Variants in EAF2 observed in about 807,000 individuals in gnomAD.
EAF2 encodes the protein ELL associated factor 2, also known as ELL-associated factor 2.
In EAF2, 29 loss-of-function variants were observed where a neutral mutation model predicts 29.4. That is an observed-to-expected ratio of 0.99 (90% CI 0.73 to 1.35). The LOEUF (loss-of-function observed/expected upper bound fraction) is 1.35. Ranked by LOEUF, EAF2 falls within the 40% of genes most tolerant of loss-of-function variation. The pLI, the probability that EAF2 is intolerant of heterozygous loss-of-function variation, is 0.00. For missense variants in EAF2, 292 were observed against 312.0 expected (o/e 0.94, Z 0.48); for synonymous variants, 103 against 102.5 (o/e 1.00, Z -0.03).
At chr3:121,880,513 G>A (rs1466873662) in intron 5 of EAF2, among the ~76,000 whole-genome samples, 1 of 150,702 alleles carries the variant, frequency 6.6e-6, no homozygotes, top group Admixed American at 6.6e-5. Context: ...AAATGGGAAT[G>A]CTGCTTTCTT....
Position 121,872,729 on chromosome 3 carries a change from A to T in EAF2, c.677A>T (p.Asp226Val). 6.2e-7 allele frequency: 1 copy of T among 1,612,644 alleles called. No individual in the cohort carries two copies. The highest frequency in any genetic ancestry group is 8.5e-7 in the Non-Finnish European group (1 of 1,179,068). ...HPTMTQYRIP[D>V]IDASHNRFRD... Reference sequence around the variant, plus strand: ...ACCATGACACAGTACAGGATTCCTGATATAGATGCCAGTCATAATAGATTT... The same window carrying T: ...ACCATGACACAGTACAGGATTCCTGTTATAGATGCCAGTCATAATAGATTT... Residue 226 changes from aspartate to valine, a missense_variant, in exon 5 of 6, where the codon GAT becomes GTT. By Grantham distance (152) the Asp-to-Val change is radical. Coordinates refer to ENST00000273668, the MANE Select transcript of EAF2 (RefSeq NM_018456.6).
intron 5 of EAF2, among the ~76,000 whole-genome samples, chr3:121,880,505 A>G (rs571770239): frequency 1.5e-4 from 23 of 149,968 alleles, no homozygotes; most frequent in Middle Eastern, 3.4e-3. Context: ...GCTATTATAA[A>G]TGGGAATGCT....
chr3:121,835,507 G>C, intron 1 of EAF2, 116 bp downstream of exon 1: 1 of 931,026 alleles, frequency 1.1e-6, no homozygotes, highest in Non-Finnish European at 1.7e-6. Context: ...AGACTACGGG[G>C]CGGGGAGGGG....
chr3:121,840,711 G>T (rs1302724052), intron 1 of EAF2, among the ~76,000 whole-genome samples: 1 of 148,718 alleles, frequency 6.7e-6, no homozygotes, highest in Non-Finnish European at 1.5e-5. Flanking sequence ...GGAGGCTGAG[G>T]CAGGACAATG....
chr3:121,873,074 GTTCT>G (rs1559828913), intron 5 of EAF2: 1 of 688,322 alleles, frequency 1.5e-6, no homozygotes, highest in Admixed American at 2.2e-5. Context: ...TTACTTTTGG[GTTCT>G]TTTTTTCTTT....
chr3:121,884,050 G>A (rs1173603136), intron 5 of EAF2, among the ~76,000 whole-genome samples: 1 of 152,050 alleles, frequency 6.6e-6, no homozygotes, highest in Non-Finnish European at 1.5e-5. Flanking sequence ...TGAAAATTAT[G>A]AAATGCATCA....
At chr3:121,867,136 C>T (rs1301722589) in intron 4 of EAF2, among the ~76,000 whole-genome samples, 2 of 152,132 alleles carry the variant, frequency 1.3e-5, no homozygotes, top group African/African-American at 4.8e-5. Context: ...ACAAGATGAG[C>T]ATGTCCCCAA....
chr3:121,872,799 A>G lies in EAF2; in HGVS notation c.736+11A>G, dbSNP rs540591351. ...TGATGAATACTTTAAGTAAGTATAC[A>G]TAAACACAGGCAATTGGAAAAGTAA... is the stretch of plus-strand genomic sequence containing the variant. On this transcript the variant is annotated intron_variant, in intron 5 of 5. Coordinates refer to ENST00000273668, the MANE Select transcript of EAF2 (RefSeq NM_018456.6). 1.3e-6 allele frequency: 2 copies of G among 1,598,440 alleles called. No individual in the cohort carries two copies. Among genetic ancestry groups the G allele is most frequent in the African/African-American group, 1.3e-5 (1 of 74,380 alleles).
chr3:121,848,316 G>C (rs1708566720), intron 2 of EAF2, among the ~76,000 whole-genome samples: 1 of 152,154 alleles, frequency 6.6e-6, no homozygotes. Context: ...GATAGCCATT[G>C]ATGTATGCAT....
chr3:121,884,729 G>A (rs1319918692), intron 5 of EAF2, among the ~76,000 whole-genome samples: 4 of 152,148 alleles, frequency 2.6e-5, no homozygotes, highest in African/African-American at 9.6e-5. Context: ...GCCCGACCTC[G>A]CAGATTTCTT....
chr3:121,859,355 G>A (rs1015744436), intron 4 of EAF2, among the ~76,000 whole-genome samples: 4 of 152,134 alleles, frequency 2.6e-5, no homozygotes, highest in African/African-American at 9.6e-5. Flanking sequence ...TTGAGCAGTG[G>A]TTTGTATTTC....
chr3:121,864,230 C>T (rs1708884658), intron 4 of EAF2, among the ~76,000 whole-genome samples: 1 of 152,156 alleles, frequency 6.6e-6, no homozygotes, highest in Non-Finnish European at 1.5e-5. Context: ...ATATTTGCTT[C>T]TACACTTTGC....
chr3:121,856,055 T>A (rs1016448990), intron 3 of EAF2, among the ~76,000 whole-genome samples: 1 of 152,176 alleles, frequency 6.6e-6, no homozygotes, highest in African/African-American at 2.4e-5. Context: ...TGACAGGATT[T>A]GGTGACTGGA....
intron 5 of EAF2, among the ~76,000 whole-genome samples, chr3:121,876,919 C>T (rs1709107973): frequency 6.6e-6 from 1 of 151,538 alleles, no homozygotes; most frequent in Non-Finnish European, 1.5e-5. Context: ...TTATATCCAC[C>T]TAATAAGAAA....
intron 1 of EAF2, among the ~76,000 whole-genome samples, chr3:121,841,467 T>C (rs531952519): frequency 7.6e-6 from 1 of 131,672 alleles, no homozygotes; most frequent in African/African-American, 2.9e-5. Flanking sequence ...ATCGCGCCAC[T>C]GTACTCCATC....
intron 1 of EAF2, among the ~76,000 whole-genome samples, chr3:121,840,664 G>A (rs140726548): frequency 0.01 from 1,555 of 151,658 alleles, 20 homozygotes; most frequent in African/African-American, 0.035. Context: ...AATATTAGCC[G>A]GGAGTGGTGA....
At chr3:121,868,931 G>T (rs1484079291) in intron 4 of EAF2, among the ~76,000 whole-genome samples, 1 of 152,120 alleles carries the variant, frequency 6.6e-6, no homozygotes, top group African/African-American at 2.4e-5. Flanking sequence ...TGTTTCAAGT[G>T]CCCATGGAAT....
chr3:121,869,769 G>A (rs1189223523), intron 4 of EAF2, among the ~76,000 whole-genome samples: 1 of 151,956 alleles, frequency 6.6e-6, no homozygotes, highest in East Asian at 1.9e-4. Context: ...CACCTGAGTA[G>A]TCCCAGCTAC....
At chr3:121,858,844 A>G (rs1425474702) in intron 4 of EAF2, among the ~76,000 whole-genome samples, 2 of 152,126 alleles carry the variant, frequency 1.3e-5, no homozygotes, top group Admixed American at 1.3e-4. Context: ...ATTAATTTTT[A>G]TATAAGGTGT....
Sources: allele counts gnomAD v4.1 joint callset (sites outside exome capture counted in the v4.1 genomes callset), GRCh38; gene constraint gnomAD v4.1.1; transcripts MANE v1.5; gene names NCBI Gene and HGNC (gene_info 2026-07-23, HGNC 2026-07-21).